Variants in PDGFC observed in about 807,000 individuals in gnomAD.
PDGFC encodes the protein platelet derived growth factor C.
A neutral mutation model predicts 35.5 loss-of-function variants in PDGFC; 12 were observed. The observed-to-expected ratio is 0.34, with a 90% CI of 0.22 to 0.55. The LOEUF (loss-of-function observed/expected upper bound fraction) is 0.55. Ranked by LOEUF, PDGFC falls within the 20% of genes least tolerant of loss-of-function variation. The pLI, the probability that PDGFC is intolerant of heterozygous loss-of-function variation, is 0.91. For synonymous variants in PDGFC, 159 were observed against 148.8 expected (o/e 1.07, Z -0.50); for missense variants, 322 against 412.4 (o/e 0.78, Z 1.90).
chr4:156,856,323 GT>G (rs1729580493), intron 1 of PDGFC, among the ~76,000 whole-genome samples: 1 of 152,142 alleles, frequency 6.6e-6, no homozygotes, highest in Admixed American at 6.6e-5. Context: ...TATTCCTGAA[GT>G]TAAGAAATAA....
intron 3 of PDGFC, among the ~76,000 whole-genome samples, chr4:156,790,408 A>G (rs1731263446): frequency 6.6e-6 from 1 of 152,258 alleles, no homozygotes. Context: ...AATGGACTTA[A>G]GAGCTAAGAG....
At chr4:156,876,773 A>T (rs944897778) in intron 1 of PDGFC, 2 of 152,110 alleles carry the variant, frequency 1.3e-5, no homozygotes, top group African/African-American at 4.8e-5. Context: ...TTTTCATATT[A>T]CCTGGTGAGA....
chr4:156,955,209 AG>A (rs1316630551), intron 1 of PDGFC, among the ~76,000 whole-genome samples: 1 of 152,118 alleles, frequency 6.6e-6, no homozygotes, highest in East Asian at 1.9e-4. Context: ...TCCACACCCC[AG>A]GCACTAACTC....
intron 2 of PDGFC, among the ~76,000 whole-genome samples, chr4:156,831,031 A>G (rs546992471): frequency 1.3e-5 from 2 of 152,160 alleles, no homozygotes; most frequent in Non-Finnish European, 2.9e-5. Context: ...CCAGGGGCCC[A>G]TCTAATAATC....
At chr4:156,897,330 G>A (rs1429273885) in intron 1 of PDGFC, among the ~76,000 whole-genome samples, 2 of 140,910 alleles carry the variant, frequency 1.4e-5, no homozygotes, top group African/African-American at 5.3e-5. Flanking sequence ...GAGAGAATAT[G>A]AGAGAGTGTG....
chr4:156,839,774 T>C (rs112649344), intron 2 of PDGFC, among the ~76,000 whole-genome samples: 3,263 of 152,276 alleles, frequency 0.021, 93 homozygotes, highest in African/African-American at 0.073. Context: ...TGAACGGCTT[T>C]GACCAAAATG....
intron 2 of PDGFC, among the ~76,000 whole-genome samples, chr4:156,812,274 G>C (rs1334177593): frequency 6.6e-6 from 1 of 151,898 alleles, no homozygotes; most frequent in Non-Finnish European, 1.5e-5. Context: ...CGACTTAAAA[G>C]ATGCTAACAT....
intron 1 of PDGFC, among the ~76,000 whole-genome samples, chr4:156,934,423 C>T (rs1231332603): frequency 6.6e-6 from 1 of 152,142 alleles, no homozygotes; most frequent in African/African-American, 2.4e-5. Flanking sequence ...ACAGAGTTTA[C>T]AGGACCGGTA....
At chr4:156,939,797 C>T (rs1352677407) in intron 1 of PDGFC, among the ~76,000 whole-genome samples, 1 of 152,030 alleles carries the variant, frequency 6.6e-6, no homozygotes, top group Non-Finnish European at 1.5e-5. Context: ...TAATACAAAA[C>T]TTCTAAAACT....
chr4:156,942,843 A>C (rs1202919630), intron 1 of PDGFC, among the ~76,000 whole-genome samples: 1 of 151,894 alleles, frequency 6.6e-6, no homozygotes, highest in Non-Finnish European at 1.5e-5. Flanking sequence ...TTATGAATAC[A>C]ATGAATAATT....
Position 156,971,758 on chromosome 4 carries a change from C to T in PDGFC, c.-855G>A, listed in dbSNP as rs947807412. Among the ~76,000 whole-genome samples the T allele has an allele frequency of 3.3e-5, 5 of 152,024 alleles. No individual in the cohort carries two copies. The highest frequency in any genetic ancestry group is 2.6e-4 in the Admixed American group (4 of 15,276). ...TCCCCTCCCCCCACGCCTCGGGCTC[C>T]GCGCTAACCTCGGGGCTACGCGCGG... On this transcript the variant is annotated 5_prime_UTR_variant, in exon 1 of 6. Transcript: ENST00000502773.
intron 3 of PDGFC, among the ~76,000 whole-genome samples, chr4:156,775,108 T>C (rs1489019396): frequency 2.0e-5 from 3 of 152,162 alleles, no homozygotes; most frequent in African/African-American, 7.2e-5. Context: ...GTGTTTTCTA[T>C]AATTGTCCAA....
At chr4:156,859,954 T>G (rs2111110122) in intron 1 of PDGFC, among the ~76,000 whole-genome samples, 1 of 152,272 alleles carries the variant, frequency 6.6e-6, no homozygotes, top group South Asian at 2.1e-4. Context: ...TAGAATTGGC[T>G]TGACTGTAAC....
chr4:156,781,428 T>C (rs1730977845), intron 3 of PDGFC, among the ~76,000 whole-genome samples: 1 of 152,210 alleles, frequency 6.6e-6, no homozygotes, highest in Non-Finnish European at 1.5e-5. Context: ...AAAATACCAA[T>C]TACTTTTCTA....
chr4:156,827,413 T>C (rs1477238169), intron 2 of PDGFC, among the ~76,000 whole-genome samples: 1 of 137,902 alleles, frequency 7.3e-6, no homozygotes, highest in African/African-American at 3.1e-5. Flanking sequence ...TGAGACTCCA[T>C]CTCAAAAAAA....
Position 156,970,679 on chromosome 4 carries a change from A to G in PDGFC, c.118+107T>C, listed in dbSNP as rs1207257002. Reference sequence around the variant, plus strand: ...AGCGCACATTTGCATGTAATGAGAGACCAAAGATACCTTCACAGTCTGGTA... The same window carrying G: ...AGCGCACATTTGCATGTAATGAGAGGCCAAAGATACCTTCACAGTCTGGTA... On this transcript the variant is annotated intron_variant, in intron 1 of 5. Coordinates refer to ENST00000502773, the MANE Select transcript of PDGFC (RefSeq NM_016205.3). The G allele has an allele frequency of 1.4e-5, 10 of 734,162 alleles. No individual in the cohort carries two copies. The Admixed American group carries it at 1.9e-4, about 14-fold the overall frequency. 45.5% of individuals were successfully genotyped at this position (734,162 alleles called of 1,614,324 possible).
chr4:156,914,946 T>C (rs559640123), intron 1 of PDGFC, among the ~76,000 whole-genome samples: 2 of 152,296 alleles, frequency 1.3e-5, no homozygotes, highest in East Asian at 3.9e-4. Context: ...TTTCTAGCTT[T>C]GTTAATGGTT....
chr4:156,947,486 A>T (rs1043916692), intron 1 of PDGFC, among the ~76,000 whole-genome samples: 1 of 152,074 alleles, frequency 6.6e-6, no homozygotes, highest in Non-Finnish European at 1.5e-5. Flanking sequence ...GATGACAATG[A>T]AAGACAGGAC....
intron 1 of PDGFC, among the ~76,000 whole-genome samples, chr4:156,932,167 T>A (rs1311956784): frequency 1.3e-5 from 2 of 152,198 alleles, no homozygotes; most frequent in Admixed American, 1.3e-4. Flanking sequence ...TTTACACTTT[T>A]AAGGGATTTT....
Sources: allele counts gnomAD v4.1 joint callset (sites outside exome capture counted in the v4.1 genomes callset), GRCh38; gene constraint gnomAD v4.1.1; transcripts MANE v1.5; gene names NCBI Gene and HGNC (gene_info 2026-07-23, HGNC 2026-07-21).